Variants in NELL1 observed in about 807,000 individuals in gnomAD.
NELL1 encodes protein kinase C-binding protein NELL1.
Under a neutral mutation model 107.4 loss-of-function variants are expected in NELL1, and 76 were observed. The ratio of observed to expected loss-of-function variants is 0.71; its 90% CI spans 0.59 to 0.86. NELL1 has a LOEUF of 0.86. Among genes scored for constraint, NELL1 ranks in the 40% least tolerant of loss-of-function variants. The pLI is 0.00. For synonymous variants in NELL1, 353 were observed against 341.2 expected (o/e 1.03, Z -0.38); for missense variants, 1,024 against 1,005.5 (o/e 1.02, Z -0.25).
intron 15 of NELL1, among the ~76,000 whole-genome samples, chr11:21,441,330 CGTGTGTGTGTGT>C (rs201892977): frequency 3.1e-4 from 43 of 140,244 alleles, no homozygotes; most frequent in Non-Finnish European, 4.9e-4. Flanking sequence ...GAGGCTGTGA[CGTGTGTGTGTGT>C]GTGTGTGTGT....
At chr11:21,450,216 A>G (rs1423710137) in intron 15 of NELL1, among the ~76,000 whole-genome samples, 1 of 152,218 alleles carries the variant, frequency 6.6e-6, no homozygotes, top group African/African-American at 2.4e-5. Context: ...TTTTAATCTG[A>G]TAGCAAAACT....
At chr11:21,174,130 T>C (rs11025959) in intron 13 of NELL1, among the ~76,000 whole-genome samples, 54,437 of 151,340 alleles carry the variant, frequency 0.36, 10,176 homozygotes, top group Middle Eastern at 0.41. Flanking sequence ...ATCCAAGAGA[T>C]GTAACCTTCA....
chr11:21,403,746 A>G (rs532684312), intron 15 of NELL1, among the ~76,000 whole-genome samples: 6 of 151,944 alleles, frequency 3.9e-5, no homozygotes, highest in Non-Finnish European at 8.8e-5. Context: ...GTTATCAGAA[A>G]AAAAAGGAAG....
At chr11:21,004,850 A>T (rs914863884) in intron 12 of NELL1, among the ~76,000 whole-genome samples, 3 of 152,110 alleles carry the variant, frequency 2.0e-5, no homozygotes, top group African/African-American at 7.2e-5. Context: ...TAATTTTTTG[A>T]AGTGTTACTA....
At chr11:21,056,228 C>T (rs539664087) in intron 12 of NELL1, among the ~76,000 whole-genome samples, 1 of 152,286 alleles carries the variant, frequency 6.6e-6, no homozygotes, top group South Asian at 2.1e-4. Flanking sequence ...TACATTGCTT[C>T]TTGGGCATTC....
At chr11:21,182,925 A>T (rs982717633) in intron 13 of NELL1, among the ~76,000 whole-genome samples, 1 of 151,862 alleles carries the variant, frequency 6.6e-6, no homozygotes, top group Non-Finnish European at 1.5e-5. Context: ...TGCTAGGATG[A>T]TACTTACAAG....
At chr11:20,689,627 A>G (rs1294358759) in intron 2 of NELL1, among the ~76,000 whole-genome samples, 2 of 148,044 alleles carry the variant, frequency 1.4e-5, no homozygotes, top group Non-Finnish European at 3.0e-5. Flanking sequence ...ATCATTTTTT[A>G]TGGCTGCATA....
chr11:21,394,569 A>G (rs1167411130), intron 15 of NELL1, among the ~76,000 whole-genome samples: 2 of 151,428 alleles, frequency 1.3e-5, no homozygotes, highest in Admixed American at 1.3e-4. Context: ...TATATAAAGT[A>G]TGTGAACAGA....
chr11:20,833,364 G>A (rs1858054063), intron 3 of NELL1, among the ~76,000 whole-genome samples: 1 of 152,070 alleles, frequency 6.6e-6, no homozygotes, highest in Non-Finnish European at 1.5e-5. Flanking sequence ...TTTTCTATAA[G>A]AGTGACTGTG....
At position 20,885,535 on chromosome 11, in the gene NELL1, T is replaced by C. The variant is rs138109184; in HGVS notation, c.598T>C (p.Phe200Leu). 71 of 1,595,084 alleles carry C rather than the reference T, an allele frequency of 4.5e-5. No homozygotes were observed. Among genetic ancestry groups the C allele is most frequent in the Admixed American group, 5.0e-5 (3 of 59,966 alleles). Residue 200 changes from phenylalanine to leucine, a missense_variant, in exon 5 of 20, where the codon TTC becomes CTC. Transcript: ENST00000357134. ...CCAGCGCAACCAAAAGCATGGCTTA[T>C]TCAAAGTAAGCACTAACGTTCTTTT... ...LGQRNQKHGLFKGIIQDGKII... is the reference protein window; with the variant it reads ...LGQRNQKHGLLKGIIQDGKII...
intron 12 of NELL1, among the ~76,000 whole-genome samples, chr11:21,088,534 A>G (rs753112158): frequency 1.7e-4 from 26 of 152,204 alleles, no homozygotes; most frequent in Non-Finnish European, 3.2e-4. Flanking sequence ...CACATAAGTC[A>G]GACAAATTCA....
intron 2 of NELL1, among the ~76,000 whole-genome samples, chr11:20,702,599 G>A (rs185378128): frequency 5.9e-5 from 9 of 152,154 alleles, no homozygotes; most frequent in Middle Eastern, 3.4e-3. Flanking sequence ...GTTTTCAAAC[G>A]GAATGCTTCC....
At chr11:20,829,514 C>T (rs892629879) in intron 3 of NELL1, among the ~76,000 whole-genome samples, 1 of 151,794 alleles carries the variant, frequency 6.6e-6, no homozygotes, top group Non-Finnish European at 1.5e-5. Flanking sequence ...GTGTGAGCCA[C>T]TGCACCTGGC....
At chr11:21,354,428 C>G (rs1437959077) in intron 14 of NELL1, among the ~76,000 whole-genome samples, 2 of 152,086 alleles carry the variant, frequency 1.3e-5, no homozygotes. Flanking sequence ...TTGGGTGAAA[C>G]TGGCATTGCT....
intron 15 of NELL1, among the ~76,000 whole-genome samples, chr11:21,508,692 T>C (rs1855359026): frequency 1.3e-5 from 2 of 152,016 alleles, no homozygotes; most frequent in Non-Finnish European, 2.9e-5. Context: ...GTCTTAAGAG[T>C]AGCTAATGTA....
At chr11:21,535,510 T>C (rs1416931237) in intron 16 of NELL1, among the ~76,000 whole-genome samples, 3 of 152,206 alleles carry the variant, frequency 2.0e-5, no homozygotes, top group Admixed American at 6.6e-5. Context: ...AAAGCAAAGA[T>C]GAATTACAGA....
intron 2 of NELL1, among the ~76,000 whole-genome samples, chr11:20,781,695 G>A (rs1220371834): frequency 1.3e-5 from 2 of 151,734 alleles, no homozygotes; most frequent in African/African-American, 4.8e-5. Context: ...ATTTTTTTTG[G>A]CATTACTTGT....
Position 21,223,196 on chromosome 11 carries a change from T to C in NELL1, c.1427-6136T>C, listed in dbSNP as rs116109963. Among the ~76,000 whole-genome samples the C allele has an allele frequency of 8.1e-3, 1,240 of 152,182 alleles. 24 individuals carry two copies. The highest frequency in any genetic ancestry group is 0.028 in the African/African-American group (1,177 of 41,538). On this transcript the variant is annotated intron_variant, in intron 13 of 19. Transcript: ENST00000357134. ...CTTCTCTCTCTCTCTCTCTTTCTCT[T>C]TCTCTCTTCAGATGTAGTAACATTT...
Position 21,127,126 on chromosome 11 carries a change from A to G in NELL1, c.1426+13412A>G, listed in dbSNP as rs1036977554. ...ATTGTTTTCAAGAGAAGACTGGTCT[A>G]GGTTGGACACAAGGATGGAGTCTTT... On this transcript the variant is annotated intron_variant, in intron 13 of 19. Coordinates refer to ENST00000357134, the MANE Select transcript of NELL1 (RefSeq NM_006157.5). Among the ~76,000 whole-genome samples the G allele has an allele frequency of 3.3e-5, 5 of 152,324 alleles. No individual in the cohort carries two copies. In the South Asian group the frequency reaches 1.0e-3, roughly 32 times the overall value.
Sources: gnomAD v4.1 joint callset for allele counts (sites outside exome capture counted in the v4.1 genomes callset) on GRCh38, gnomAD v4.1.1 for gene constraint, MANE v1.5 for transcripts, NCBI Gene and HGNC (gene_info 2026-07-23, HGNC 2026-07-21) for gene names.